Variants in BPTF observed in about 807,000 individuals in gnomAD.
BPTF encodes bromodomain PHD finger transcription factor, also known as nucleosome-remodeling factor subunit BPTF.
BPTF carries 18 observed loss-of-function variants against 292.5 expected under a neutral mutation model. The ratio of observed to expected loss-of-function variants is 0.06; its 90% CI spans 0.04 to 0.09. The LOEUF is 0.09. Ranked by LOEUF, BPTF falls within the 10% of genes least tolerant of loss-of-function variation. The pLI is 1.00. For synonymous variants in BPTF, 1,225 were observed against 1,251.9 expected (o/e 0.98, Z 0.45); for missense variants, 2,726 against 3,498.7 (o/e 0.78, Z 5.57).
At chr17:67,954,956 A>T (rs1379449004) in intron 23 of BPTF, among the ~76,000 whole-genome samples, 1 of 152,212 alleles carries the variant, frequency 6.6e-6, no homozygotes, top group Non-Finnish European at 1.5e-5. Context: ...TCATTAAACC[A>T]GGGCCATTCA....
At chr17:67,889,634 C>G (rs1424459397) in intron 4 of BPTF, among the ~76,000 whole-genome samples, 1 of 152,030 alleles carries the variant, frequency 6.6e-6, no homozygotes, top group Non-Finnish European at 1.5e-5. Flanking sequence ...ATGGTGAAAC[C>G]CCGTCTCTAC....
chr17:67,858,156 C>G (rs569701510), intron 2 of BPTF, among the ~76,000 whole-genome samples: 1 of 152,284 alleles, frequency 6.6e-6, no homozygotes, highest in East Asian at 1.9e-4. Flanking sequence ...CACCTTAACC[C>G]AGAAACTGCT....
At chr17:67,941,122 G>A (rs1385116198) in intron 19 of BPTF, among the ~76,000 whole-genome samples, 2 of 152,226 alleles carry the variant, frequency 1.3e-5, no homozygotes, top group Non-Finnish European at 1.5e-5. Context: ...TTGAAGAACA[G>A]GATTATTTGC....
At chr17:67,927,044 A>T (rs1410721310) in intron 15 of BPTF, among the ~76,000 whole-genome samples, 2 of 152,182 alleles carry the variant, frequency 1.3e-5, no homozygotes, top group African/African-American at 4.8e-5. Flanking sequence ...TATATAGGAT[A>T]GGTACAAAAG....
intron 27 of BPTF, among the ~76,000 whole-genome samples, chr17:67,979,997 A>T (rs560729005): frequency 6.6e-6 from 1 of 151,144 alleles, no homozygotes; most frequent in East Asian, 2.0e-4. Context: ...GCACCACTAC[A>T]CTCTAGCCTG....
At chr17:67,917,131 CTTTTTTTTT>C (rs943348736) in intron 11 of BPTF, among the ~76,000 whole-genome samples, 1 of 105,808 alleles carries the variant, frequency 9.5e-6, no homozygotes, top group South Asian at 3.0e-4. Flanking sequence ...TGGTATTGTC[CTTTTTTTTT>C]TTTTTTTTTT....
chr17:67,925,768 A>G (rs1204471612), intron 15 of BPTF, among the ~76,000 whole-genome samples: 1 of 152,098 alleles, frequency 6.6e-6, no homozygotes, highest in Non-Finnish European at 1.5e-5. Context: ...TTCATTTTAT[A>G]AAACATTTTT....
chr17:67,923,046 C>T, intron 14 of BPTF, 56 bp downstream of exon 14: 1 of 1,264,258 alleles, frequency 7.9e-7, no homozygotes, highest in Non-Finnish European at 1.1e-6. Flanking sequence ...ACTTCAGAAT[C>T]AATAAATTAC....
chr17:67,949,358 C>T (rs1208244403), intron 23 of BPTF, among the ~76,000 whole-genome samples: 4 of 151,804 alleles, frequency 2.6e-5, no homozygotes, highest in Admixed American at 6.6e-5. Flanking sequence ...GGGTGGATCA[C>T]GAGGTCAGGA....
At chr17:67,840,019 C>G (rs957854149) in intron 1 of BPTF, among the ~76,000 whole-genome samples, 3 of 151,962 alleles carry the variant, frequency 2.0e-5, no homozygotes, top group Non-Finnish European at 2.9e-5. Context: ...ATTTGCTTGT[C>G]CCTAATGACA....
At chr17:67,882,864 G>A (rs1016225572) in intron 4 of BPTF, among the ~76,000 whole-genome samples, 1 of 152,098 alleles carries the variant, frequency 6.6e-6, no homozygotes, top group Non-Finnish European at 1.5e-5. Flanking sequence ...TGGGCGTGGT[G>A]GTGCTTGCCT....
At chr17:67,835,696 C>T (rs1390741616) in intron 1 of BPTF, among the ~76,000 whole-genome samples, 4 of 148,050 alleles carry the variant, frequency 2.7e-5, no homozygotes, top group Non-Finnish European at 4.4e-5. Context: ...GACGGAGTCT[C>T]GCTCTGTCGC....
At chr17:67,936,325 C>T (rs2064912250) in intron 18 of BPTF, among the ~76,000 whole-genome samples, 2 of 152,036 alleles carry the variant, frequency 1.3e-5, no homozygotes, top group African/African-American at 4.8e-5. Flanking sequence ...GATTTAATAT[C>T]TATTATGTGA....
rs2058570608 is a variant in BPTF at position 67,854,169 on chromosome 17, A to G, written c.843A>G (p.Thr281=). ...CTCTGGTGAGCCAAGAGCAGTGCAC[A>G]CTCATGGCAGAGATGCATGTTGTGC... is the stretch of plus-strand genomic sequence containing the variant. ...CAALVSQEQC[T]LMAEMHVVLL... Residue 281 remains threonine (T), a synonymous_variant, in exon 2 of 28, where the codon ACA becomes ACG. Transcript: ENST00000306378. The surrounding 1 kb of genome is among the most constrained non-coding windows in gnomAD (Gnocchi z 5.6). The G allele has an allele frequency of 6.2e-7, 1 of 1,614,216 alleles. No individual in the cohort carries two copies. The highest frequency in any genetic ancestry group is 8.5e-7 in the Non-Finnish European group (1 of 1,180,036).
At chr17:67,875,628 C>T in intron 4 of BPTF, 1 of 1,603,924 alleles carries the variant, frequency 6.2e-7, no homozygotes, top group Non-Finnish European at 8.5e-7. Flanking sequence ...AATGCAACTT[C>T]AGAAGAGACT....
chr17:67,899,752 G>A (rs1000064370), intron 7 of BPTF, among the ~76,000 whole-genome samples: 5 of 151,406 alleles, frequency 3.3e-5, no homozygotes, highest in Non-Finnish European at 4.4e-5. Context: ...GCTGGTCTCC[G>A]ACTCCCAACC....
At chr17:67,932,154 A>G (rs945922431) in intron 18 of BPTF, 135 bp downstream of exon 18, 16 of 714,882 alleles carry the variant, frequency 2.2e-5, no homozygotes, top group Non-Finnish European at 3.4e-5. Context: ...TTTCTAATCC[A>G]TTGTGAGCTC....
chr17:67,947,505 A>G (rs995086746), intron 21 of BPTF, among the ~76,000 whole-genome samples: 3 of 152,214 alleles, frequency 2.0e-5, no homozygotes, highest in African/African-American at 7.2e-5. Context: ...TGTTGTAAGG[A>G]ATAAACGAGG....
chr17:67,937,284 C>T (rs1463972719), intron 18 of BPTF, among the ~76,000 whole-genome samples: 1 of 151,566 alleles, frequency 6.6e-6, no homozygotes. Context: ...GGTGAAACCC[C>T]ATCTCTACTA....
Sources: allele counts gnomAD v4.1 joint callset (sites outside exome capture counted in the v4.1 genomes callset), GRCh38; gene constraint gnomAD v4.1.1; non-coding constraint Gnocchi (gnomAD v3.1); transcripts MANE v1.5; gene names NCBI Gene and HGNC (gene_info 2026-07-23, HGNC 2026-07-21).